The following PIR variants were observed in gnomAD, a reference collection of about 807,000 sequenced individuals.
PIR encodes the protein pirin, also known as pirin (iron-binding nuclear protein).
A neutral mutation model predicts 24.2 loss-of-function variants in PIR; 22 were observed. The observed-to-expected ratio is 0.91, with a 90% CI of 0.65 to 1.30. The LOEUF is 1.30. Ranked by LOEUF, PIR falls within the 50% of genes most tolerant of loss-of-function variation. The probability of loss-of-function intolerance (pLI) is 0.00; values close to 1 mark genes in which losing one functional copy is unlikely to be tolerated. For missense variants in PIR, 220 were observed against 220.3 expected, an observed-to-expected ratio of 1.00 and a Z score of 0.01; for synonymous variants, 80 against 79.6, an observed-to-expected ratio of 1.00 and a Z score of -0.03.
intron 5 of PIR, chrX:15,429,417 C>T (rs1294096390): frequency 8.9e-6 from 1 of 112,351 alleles, no homozygotes; most frequent in Non-Finnish European, 1.9e-5. Flanking sequence ...TTTTTCACAA[C>T]ATCTTTAACC....
At chrX:15,483,285 A>G (rs1190590478) in intron 2 of PIR, among the ~76,000 whole-genome samples, 1 of 109,861 alleles carries the variant, frequency 9.1e-6, no homozygotes, top group Admixed American at 9.8e-5. Flanking sequence ...GCCTATCTCA[A>G]CCTGGTGTTT....
intron 2 of PIR, among the ~76,000 whole-genome samples, chrX:15,487,421 T>C (rs1922897749): frequency 9.0e-6 from 1 of 111,728 alleles, no homozygotes; most frequent in African/African-American, 3.3e-5. Flanking sequence ...CTCTTCAAAA[T>C]ACTTTGAGGG....
rs763703349 is a variant in PIR at position 15,388,295 on chromosome X, T to C, written c.760+1890A>G. Reference sequence around the variant, plus strand: ...TGGGGTCAGGAGACTAGGGTTCGAGTCCCAGCTCCACTGCTAACAATCGCT... The same window carrying C: ...TGGGGTCAGGAGACTAGGGTTCGAGCCCCAGCTCCACTGCTAACAATCGCT... On this transcript the variant is annotated intron_variant, in intron 9 of 9. Coordinates refer to ENST00000380420, the MANE Select transcript of PIR (RefSeq NM_001018109.3). Among the ~76,000 whole-genome samples, 7 of 111,708 alleles carry C rather than the reference T, an allele frequency of 6.3e-5. No individual in the cohort carries two copies. The East Asian group carries it at 8.5e-4, about 14-fold the overall frequency.
intron 2 of PIR, among the ~76,000 whole-genome samples, chrX:15,483,585 A>C (rs767203429): frequency 8.9e-6 from 1 of 111,816 alleles, no homozygotes; most frequent in South Asian, 3.7e-4. Flanking sequence ...AAATCAACCA[A>C]GCAAATTTGT....
intron 6 of PIR, among the ~76,000 whole-genome samples, chrX:15,410,695 A>G (rs1481078154): frequency 8.9e-6 from 1 of 112,149 alleles, no homozygotes; most frequent in Non-Finnish European, 1.9e-5. Flanking sequence ...GTGTGTTCAT[A>G]TATTTTTACT....
At chrX:15,407,665 TTAGA>T (rs1865293257) in intron 6 of PIR, 115 bp from the exon 7 acceptor site, 1 of 548,418 alleles carries the variant, frequency 1.8e-6, no homozygotes, top group Non-Finnish European at 3.2e-6. Flanking sequence ...TTTTTTCCCT[TTAGA>T]TAGACATTTT....
intron 5 of PIR, among the ~76,000 whole-genome samples, chrX:15,449,163 C>A (rs185258170): frequency 1.7e-3 from 192 of 111,749 alleles, no homozygotes; most frequent in Non-Finnish European, 3.0e-3. Flanking sequence ...AGAGAGGGGA[C>A]CTGGGTTGGA....
chrX:15,487,444 A>C (rs1414796660), intron 2 of PIR, among the ~76,000 whole-genome samples: 1 of 111,963 alleles, frequency 8.9e-6, no homozygotes, highest in Non-Finnish European at 1.9e-5. Flanking sequence ...GAAATGGATG[A>C]TAATATGGAT....
chrX:15,394,075 G>C (rs1297676509), intron 8 of PIR, among the ~76,000 whole-genome samples: 1 of 110,669 alleles, frequency 9.0e-6, no homozygotes, highest in East Asian at 2.8e-4. Flanking sequence ...GTTGGGGACT[G>C]CTGATCGAAG....
chrX:15,443,804 G>A (rs1397245312), intron 5 of PIR, among the ~76,000 whole-genome samples: 1 of 111,704 alleles, frequency 9.0e-6, no homozygotes, highest in African/African-American at 3.3e-5. Flanking sequence ...TTCAGCGGAG[G>A]AAGTCACTGC....
At chrX:15,490,729 G>A (rs1923107227) in intron 2 of PIR, among the ~76,000 whole-genome samples, 3 of 112,171 alleles carry the variant, frequency 2.7e-5, no homozygotes, top group South Asian at 7.4e-4. Flanking sequence ...TTGGCCAGCA[G>A]TGGAGGCCTG....
At chrX:15,385,149 G>C (rs1327148115) in intron 9 of PIR, 33 bp from the exon 10 acceptor site, 2 of 760,211 alleles carry the variant, frequency 2.6e-6, no homozygotes, top group East Asian at 6.7e-5. Flanking sequence ...GAAAGTTCTG[G>C]GTGGCAATAT....
intron 5 of PIR, among the ~76,000 whole-genome samples, chrX:15,443,008 A>G (rs189111258): frequency 8.9e-6 from 1 of 112,570 alleles, no homozygotes; most frequent in African/African-American, 3.2e-5. Flanking sequence ...CTTATATTGA[A>G]AAAAGATTCC....
At position 15,387,989 on chromosome X, in the gene PIR, C is replaced by G. The variant is rs924608947; in HGVS notation, c.760+2196G>C. Among the ~76,000 whole-genome samples, 9 of 111,654 alleles carry G rather than the reference C, an allele frequency of 8.1e-5. No individual in the cohort carries two copies. The South Asian group carries it at 2.6e-3, about 33-fold the overall frequency. ...GGAAACAAGTATAACCTCTGTTATA[C>G]AGGGAAGCATTGGAAGCTTAGAGTC... On this transcript the variant is annotated intron_variant, in intron 9 of 9. Transcript: ENST00000380420.
rs191995921 is a variant in PIR at position 15,399,474 on chromosome X, T to C, written c.611-1943A>G. On this transcript the variant is annotated intron_variant, in intron 7 of 9. Transcript: ENST00000380420. ...GCAGGAGTTCTCAACGTGGAGTCAATGTCCTCCCAAGGGGGGTCTATGGAT... is the reference window on the plus strand; with the variant it reads ...GCAGGAGTTCTCAACGTGGAGTCAACGTCCTCCCAAGGGGGGTCTATGGAT... Among the ~76,000 whole-genome samples, 6 of 111,681 alleles carry C rather than the reference T, an allele frequency of 5.4e-5. No homozygotes were observed. In the Admixed American group the frequency reaches 5.7e-4, roughly 11 times the overall value.
intron 3 of PIR, among the ~76,000 whole-genome samples, chrX:15,463,682 T>C (rs979518041): frequency 1.8e-5 from 2 of 112,435 alleles, no homozygotes; most frequent in African/African-American, 6.5e-5. Context: ...GAACTCGCTA[T>C]GGTAATGGCA....
chrX:15,445,820 C>CTTTTTTTTT (rs1192838504), intron 5 of PIR, among the ~76,000 whole-genome samples: 1 of 64,920 alleles, frequency 1.5e-5, no homozygotes, highest in Non-Finnish European at 2.9e-5. Context: ...CAAGATATTT[C>CTTTTTTTTT]TTTTTTTTTT....
At position 15,445,954 on chromosome X, in the gene PIR, C is replaced by G. The variant is rs893110650; in HGVS notation, c.480+9894G>C. ...ACGCCATTCTCCTGCCTCAGCCTCC[C>G]GAGTAGCTGGGACTACAGGCACCCA... On this transcript the variant is annotated intron_variant, in intron 5 of 9. Coordinates refer to ENST00000380420, the MANE Select transcript of PIR (RefSeq NM_001018109.3). Among the ~76,000 whole-genome samples, 4 of 105,851 alleles carry G rather than the reference C, an allele frequency of 3.8e-5. No individual in the cohort carries two copies. The South Asian group carries it at 1.3e-3, about 34-fold the overall frequency. The allele number at this position is 105,851 out of a possible 115,157, so 91.9% of individuals were successfully genotyped here.
chrX:15,455,903 G>A lies in PIR; in HGVS notation c.425C>T (p.Pro142Leu), dbSNP rs762108669. The change falls in exon 5 of 10, where the codon CCC becomes CTC. Residue 142 changes from proline to leucine, a missense_variant. Coordinates refer to ENST00000380420, the MANE Select transcript of PIR (RefSeq NM_001018109.3). ...QELKSEEIPK[P>L]SKDGVTVAVI... ...AGCAACTGTCACACCATCCTTACTG[G>A]GTTTAGGGATTTCTTCACTTTTCAG... 1 of 1,210,468 alleles carries A rather than the reference G, an allele frequency of 8.3e-7. No homozygotes were observed. The highest frequency in any genetic ancestry group is 2.2e-5 in the Admixed American group (1 of 46,067).
Sources: allele counts gnomAD v4.1 joint callset (sites outside exome capture counted in the v4.1 genomes callset), GRCh38; gene constraint gnomAD v4.1.1; transcripts MANE v1.5; gene names NCBI Gene and HGNC (gene_info 2026-07-23, HGNC 2026-07-21).